Variants in YLPM1 observed in about 807,000 individuals in gnomAD.
YLPM1 encodes YLP motif-containing protein 1.
A neutral mutation model predicts 230.0 loss-of-function variants in YLPM1; 99 were observed. That is an observed-to-expected ratio of 0.43 (90% CI 0.37 to 0.51). YLPM1 has a LOEUF of 0.51. YLPM1 is among the 20% of genes least tolerant of loss of function. YLPM1 has a pLI of 0.00. For missense variants in YLPM1, 2,592 were observed against 2,707.7 expected, an observed-to-expected ratio of 0.96 and a Z score of 0.95; for synonymous variants, 984 against 942.5, an observed-to-expected ratio of 1.04 and a Z score of -0.81.
chr14:74,782,556 A>G (rs539477375), intron 4 of YLPM1, among the ~76,000 whole-genome samples: 9 of 152,290 alleles, frequency 5.9e-5, no homozygotes, highest in Admixed American at 2.6e-4. Context: ...TCCAGAATGA[A>G]TGTAGTATTG....
intron 1 of YLPM1, among the ~76,000 whole-genome samples, chr14:74,764,839 C>A (rs2090895593): frequency 2.0e-5 from 3 of 152,124 alleles, no homozygotes; most frequent in Admixed American, 6.6e-5. Context: ...GGATAGTTGT[C>A]AGCTTCCTGA....
At chr14:74,793,211 G>C (rs1288989976) in intron 4 of YLPM1, among the ~76,000 whole-genome samples, 1 of 152,148 alleles carries the variant, frequency 6.6e-6, no homozygotes, top group Admixed American at 6.5e-5. Context: ...TCTGTCTAGA[G>C]ATTGGAATCT....
Position 74,763,582 on chromosome 14 carries a change from G to C in YLPM1, c.93G>C (p.Ser31=). The C allele has an allele frequency of 6.3e-7, 1 of 1,581,858 alleles. No individual in the cohort carries two copies. The highest frequency in any genetic ancestry group is 8.6e-7 in the Non-Finnish European group (1 of 1,162,672). The change falls in exon 1 of 21, where the codon TCG becomes TCC. Residue 31 remains serine (S), a synonymous_variant. Coordinates refer to ENST00000325680, the MANE Select transcript of YLPM1 (RefSeq NM_019589.3). ...CGCCAGTGGCGCTTCCTGAGGCCTC[G>C]CCGGGGCCCGGGTACTCGAGCTCGA... is the stretch of plus-strand genomic sequence containing the variant. ...PPPPVALPEA[S]PGPGYSSSTT...
At chr14:74,764,473 A>C in intron 1 of YLPM1, 111 bp downstream of exon 1, 2 of 1,336,212 alleles carry the variant, frequency 1.5e-6, no homozygotes, top group South Asian at 1.6e-5. Flanking sequence ...TGACTAGCTA[A>C]CACTCCAAAG....
chr14:74,830,720 A>G (rs530121556), intron 19 of YLPM1, among the ~76,000 whole-genome samples: 1 of 152,242 alleles, frequency 6.6e-6, no homozygotes, highest in East Asian at 1.9e-4. Context: ...GTGGAAGACA[A>G]GGGGGGAGCC....
intron 6 of YLPM1, among the ~76,000 whole-genome samples, chr14:74,805,704 CTTT>C (rs571630763): frequency 7.4e-6 from 1 of 134,524 alleles, no homozygotes; most frequent in Admixed American, 7.4e-5. Context: ...AATAAGCATA[CTTT>C]TTTTTTTTTT....
rs1362566114 is a variant in YLPM1 at position 74,811,700 on chromosome 14, C to G, written c.5309C>G (p.Ser1770Cys). 3.1e-6 allele frequency: 5 copies of G among 1,611,918 alleles called. No homozygotes were observed. The Admixed American group carries it at 8.4e-5, about 27-fold the overall frequency. The change falls in exon 10 of 21, where the codon TCT becomes TGT. Residue 1770 changes from serine to cysteine, a missense_variant. Ser to Cys is a moderately radical substitution (Grantham distance 112, BLOSUM62 -1). Around this residue, in one of 4 missense-constraint regions of YLPM1, gnomAD observed 403 missense variants for 426.7 expected, o/e 0.94. Transcript: ENST00000325680. Reference protein sequence around the residue: ...GFDRPSYDRKSDRPVYEGPSM... With the variant: ...GFDRPSYDRKCDRPVYEGPSM... ...GATAGGCCATCCTATGACCGGAAGT[C>G]TGACCGACCAGTCTATGAAGGACCA... is the stretch of plus-strand genomic sequence containing the variant.
At chr14:74,801,417 TAAG>T (rs1350093100) in intron 5 of YLPM1, among the ~76,000 whole-genome samples, 1 of 152,218 alleles carries the variant, frequency 6.6e-6, no homozygotes, top group Non-Finnish European at 1.5e-5. Flanking sequence ...TAAAAGGTCT[TAAG>T]AAATTGTAGT....
At chr14:74,827,170 C>T (rs933720415) in intron 18 of YLPM1, among the ~76,000 whole-genome samples, 1 of 152,258 alleles carries the variant, frequency 6.6e-6, no homozygotes, top group East Asian at 1.9e-4. Context: ...TGCTATAATA[C>T]ATACTGTTTC....
intron 1 of YLPM1, among the ~76,000 whole-genome samples, chr14:74,771,667 T>C (rs755056559): frequency 1.3e-5 from 2 of 152,094 alleles, no homozygotes; most frequent in African/African-American, 2.4e-5. Context: ...CCTACTGACA[T>C]GTAGATTATT....
intron 4 of YLPM1, among the ~76,000 whole-genome samples, chr14:74,794,825 T>TATTGTAACTATTGTAACTA (rs2091243839): frequency 6.6e-6 from 1 of 152,142 alleles, no homozygotes; most frequent in South Asian, 2.1e-4. Context: ...GGAAGAAATA[T>TATTGTAACTATTGTAACTA]TTGTAACTAT....
chr14:74,783,258 G>A (rs865868339), intron 4 of YLPM1, among the ~76,000 whole-genome samples: 36 of 151,960 alleles, frequency 2.4e-4, no homozygotes, highest in African/African-American at 8.2e-4. Context: ...CGTAGAGATG[G>A]GGATCTTCCT....
chr14:74,796,335 A>G (rs8006125), intron 4 of YLPM1, among the ~76,000 whole-genome samples: 1 of 152,152 alleles, frequency 6.6e-6, no homozygotes, highest in South Asian at 2.1e-4. Flanking sequence ...ACTTCCAAAC[A>G]TGCTCTGCTG....
intron 2 of YLPM1, among the ~76,000 whole-genome samples, chr14:74,779,226 T>C (rs1044575553): frequency 7.2e-5 from 11 of 152,136 alleles, no homozygotes; most frequent in Non-Finnish European, 1.6e-4. Flanking sequence ...CTCTAAGCAC[T>C]AAAGGAAGAT....
chr14:74,812,579 A>G (rs769278294), intron 10 of YLPM1, 49 bp from the exon 11 acceptor site: 3 of 1,555,444 alleles, frequency 1.9e-6, no homozygotes, highest in African/African-American at 2.7e-5. Flanking sequence ...TTGAATTTCA[A>G]AATAATTACT....
chr14:74,772,363 T>C (rs1028910140), intron 1 of YLPM1, among the ~76,000 whole-genome samples: 5 of 151,204 alleles, frequency 3.3e-5, no homozygotes, highest in African/African-American at 1.2e-4. Context: ...TTCTTAATTT[T>C]TTTTTTTTTT....
In YLPM1 at chr14:74,821,086, CGAAGAACAGAAA is replaced by C; in HGVS notation, c.6067_6078del (p.Gln2023_Glu2026del). ...AGATGGAAGATTTTGATGCAAATAT[CGAAGAACAGAAA>C]GAAGAAAAGAAAGATGCAGAGGAAG... On this transcript the variant is annotated inframe_deletion, in exon 17 of 21. Coordinates refer to ENST00000325680, the MANE Select transcript of YLPM1 (RefSeq NM_019589.3). 1.3e-6 allele frequency: 2 copies of C among 1,524,446 alleles called. No individual in the cohort carries two copies. The highest frequency in any genetic ancestry group is 1.8e-6 in the Non-Finnish European group (2 of 1,135,036). 94.4% of individuals were successfully genotyped at this position (1,524,446 alleles called of 1,614,324 possible). A position where few individuals can be genotyped will look rare whatever the true frequency, so the allele number is the denominator to read the frequency against.
At position 74,773,711 on chromosome 14, in the gene YLPM1, C is replaced by CTTT. The variant is rs766885242; in HGVS notation, c.874-4711_874-4709dup. 5.6e-3 allele frequency among the ~76,000 whole-genome samples: 339 copies of CTTT among 60,568 alleles called. 40 individuals carry two copies. The highest frequency in any genetic ancestry group is 0.019 in the African/African-American group (247 of 13,330). The allele number at this position is 60,568 out of a possible 152,430, so 39.7% of individuals were successfully genotyped here. ...TCATGGTCAGTGTGCTGTTTTCTTT[C>CTTT]TTTTTTTTTTTTTTTTTTTTTTTTT... On this transcript the variant is annotated intron_variant, in intron 1 of 20. Transcript: ENST00000325680.
At chr14:74,812,479 A>G (rs2091442481) in intron 10 of YLPM1, 149 bp from the exon 11 acceptor site, 2 of 733,984 alleles carry the variant, frequency 2.7e-6, no homozygotes, top group African/African-American at 1.8e-5. Context: ...ATTTTACATT[A>G]CCTTAAATTT....
Sources: gnomAD v4.1 joint callset for allele counts (sites outside exome capture counted in the v4.1 genomes callset) on GRCh38, gnomAD v4.1.1 for gene constraint, gnomAD v4.1.1 regional missense constraint, MANE v1.5 for transcripts, NCBI Gene and HGNC (gene_info 2026-07-23, HGNC 2026-07-21) for gene names.